The following GPR141 variants were observed in gnomAD, a reference collection of about 807,000 sequenced individuals.
The protein encoded by GPR141 is G protein-coupled receptor 141.
A neutral mutation model predicts 6.8 loss-of-function variants in GPR141; 6 were observed. The ratio of observed to expected loss-of-function variants is 0.88; its 90% CI spans 0.48 to 1.74. The LOEUF (loss-of-function observed/expected upper bound fraction) is 1.74, where lower values mean the gene tolerates loss of function less well. Ranked by LOEUF, GPR141 falls within the 40% of genes most tolerant of loss-of-function variation. The pLI is 0.01. For synonymous variants in GPR141, 140 were observed against 142.3 expected, an observed-to-expected ratio of 0.98 and a Z score of 0.11; for missense variants, 372 against 372.9, an observed-to-expected ratio of 1.00 and a Z score of 0.02.
intron 2 of GPR141, among the ~76,000 whole-genome samples, chr7:37,697,271 G>A (rs1037439371): frequency 5.3e-5 from 8 of 152,070 alleles, no homozygotes; most frequent in Non-Finnish European, 8.8e-5. Context: ...AGGCCAATTC[G>A]GAGACATTTG....
intron 2 of GPR141, among the ~76,000 whole-genome samples, chr7:37,695,344 T>G (rs530605396): frequency 6.6e-6 from 1 of 152,256 alleles, no homozygotes; most frequent in East Asian, 1.9e-4. Flanking sequence ...TGCAGGCCAC[T>G]GGGGGTGGGA....
At chr7:37,706,287 A>C (rs1810519179) in intron 2 of GPR141, among the ~76,000 whole-genome samples, 1 of 152,212 alleles carries the variant, frequency 6.6e-6, no homozygotes, top group South Asian at 2.1e-4. Flanking sequence ...CTGTCAATAG[A>C]TTGAGAAATA....
intron 2 of GPR141, among the ~76,000 whole-genome samples, chr7:37,730,925 C>T (rs1217184017): frequency 6.6e-6 from 1 of 152,166 alleles, no homozygotes; most frequent in African/African-American, 2.4e-5. Flanking sequence ...TGTGAAAAGG[C>T]TCGAAATTTC....
intron 2 of GPR141, among the ~76,000 whole-genome samples, chr7:37,718,701 AAAC>A (rs1811168863): frequency 6.6e-6 from 1 of 152,214 alleles, no homozygotes; most frequent in Admixed American, 6.5e-5. Flanking sequence ...TTGGCAAAGG[AAAC>A]AACATTTGCC....
intron 2 of GPR141, among the ~76,000 whole-genome samples, chr7:37,738,228 G>A (rs1812341123): frequency 6.6e-6 from 1 of 152,188 alleles, no homozygotes; most frequent in Admixed American, 6.5e-5. Context: ...AGGATGTAGT[G>A]TAGTCCTGAA....
chr7:37,716,922 C>A (rs1562779600), intron 2 of GPR141, among the ~76,000 whole-genome samples: 1 of 152,202 alleles, frequency 6.6e-6, no homozygotes, highest in Non-Finnish European at 1.5e-5. Context: ...TTTTCCTTTA[C>A]AGATTGGAGA....
At chr7:37,722,190 C>T (rs1386821211) in intron 2 of GPR141, among the ~76,000 whole-genome samples, 1 of 152,072 alleles carries the variant, frequency 6.6e-6, no homozygotes, top group Non-Finnish European at 1.5e-5. Flanking sequence ...AAGTGATTGT[C>T]CTAGAGTTAT....
intron 2 of GPR141, chr7:37,709,874 T>A (rs1054185365): frequency 2.6e-5 from 4 of 152,224 alleles, no homozygotes; most frequent in African/African-American, 9.6e-5. Flanking sequence ...GACTAAAGGA[T>A]GTCTGTTGTT....
chr7:37,685,209 T>C (rs894886363), intron 1 of GPR141: 3 of 152,208 alleles, frequency 2.0e-5, no homozygotes, highest in Admixed American at 6.5e-5. Flanking sequence ...AAAATGGAAG[T>C]TGTAGACTGG....
At chr7:37,724,540 T>C (rs1404984402) in intron 2 of GPR141, among the ~76,000 whole-genome samples, 1 of 152,154 alleles carries the variant, frequency 6.6e-6, no homozygotes, top group African/African-American at 2.4e-5. Context: ...TTGGTTTTGG[T>C]TTTTTAGCTA....
intron 2 of GPR141, among the ~76,000 whole-genome samples, chr7:37,722,923 TTTCCTTCC>T (rs796368390): frequency 0.12 from 13,034 of 112,174 alleles, 865 homozygotes; most frequent in Middle Eastern, 0.2. Flanking sequence ...TTCTTTTTCC[TTTCCTTCC>T]TTCCTTCCTT....
In GPR141 at chr7:37,740,522, G is replaced by A; in HGVS notation, c.129G>A (p.Val43=). 1 of 1,614,040 alleles carries A rather than the reference G, an allele frequency of 6.2e-7. No individual in the cohort carries two copies. Among genetic ancestry groups the A allele is most frequent in the Non-Finnish European group, 8.5e-7 (1 of 1,179,972 alleles). ...VGVISILFLL[V]KMNTRSVTTM... ...TCATTTCCATTCTTTTCCTCCTGGTGAAAATGAACACCCGGTCAGTGACCA... is the reference window on the plus strand; with the variant it reads ...TCATTTCCATTCTTTTCCTCCTGGTAAAAATGAACACCCGGTCAGTGACCA... The change falls in exon 3 of 3, where the codon GTG becomes GTA. Residue 43 remains valine (V), a synonymous_variant. Coordinates refer to ENST00000334425, the MANE Select transcript of GPR141 (RefSeq NM_001381946.1).
rs1409984261 is a variant in GPR141, at chr7:37,741,036, T to C, written c.643T>C (p.Leu215=). The change falls in exon 3 of 3, where the codon TTA becomes CTA. Residue 215 remains leucine (L), a synonymous_variant. Transcript: ENST00000334425. ...GATGGTGCAGAAGCTACGCCACTCT[T>C]TACTATCCCACCAGGAGTTCTGGGC... is the stretch of plus-strand genomic sequence containing the variant. The part of the protein sequence containing the change: ...MLMVQKLRHS[L]LSHQEFWAQL... 1.2e-6 allele frequency: 2 copies of C among 1,614,150 alleles called. No homozygotes were observed. Among genetic ancestry groups the C allele is most frequent in the Admixed American group, 3.3e-5 (2 of 60,010 alleles).
intron 2 of GPR141, among the ~76,000 whole-genome samples, chr7:37,700,964 C>G (rs867366289): frequency 2.0e-5 from 3 of 152,294 alleles, no homozygotes; most frequent in African/African-American, 7.2e-5. Context: ...GTCTGATTAA[C>G]CTGAGCGTGG....
At chr7:37,684,730 G>A (rs1809422738) in intron 1 of GPR141, among the ~76,000 whole-genome samples, 1 of 152,002 alleles carries the variant, frequency 6.6e-6, no homozygotes, top group Non-Finnish European at 1.5e-5. Flanking sequence ...TTAATTCTCT[G>A]GACTTCAGCG....
chr7:37,742,576 CTG>C lies in GPR141; in HGVS notation c.*1269_*1270del, dbSNP rs1470791648. Among the ~76,000 whole-genome samples the C allele has an allele frequency of 6.6e-6, 1 of 152,002 alleles. No individual in the cohort carries two copies. The highest frequency in any genetic ancestry group is 6.6e-5 in the Admixed American group (1 of 15,246). On this transcript the variant is annotated 3_prime_UTR_variant, in exon 3 of 3. Coordinates refer to ENST00000334425, the MANE Select transcript of GPR141 (RefSeq NM_001381946.1). Reference sequence around the variant, plus strand: ...TTATATATTTTTAAATAAATGAAAACTGTGTTTTTAAAAGAGGACTTTTGAGA... The same window carrying C: ...TTATATATTTTTAAATAAATGAAAACTGTTTTTAAAAGAGGACTTTTGAGA...
At chr7:37,728,215 G>A (rs891829289) in intron 2 of GPR141, among the ~76,000 whole-genome samples, 2 of 152,042 alleles carry the variant, frequency 1.3e-5, no homozygotes, top group African/African-American at 2.4e-5. Context: ...CATTTTTCAC[G>A]TACCCATAGG....
chr7:37,729,407 G>A (rs1245510786), intron 2 of GPR141, among the ~76,000 whole-genome samples: 1 of 152,180 alleles, frequency 6.6e-6, no homozygotes, highest in Non-Finnish European at 1.5e-5. Context: ...CTGGGATCCT[G>A]ATGTCAGTTG....
intron 2 of GPR141, among the ~76,000 whole-genome samples, chr7:37,730,744 A>G (rs1811890981): frequency 6.6e-6 from 1 of 152,248 alleles, no homozygotes. Context: ...TCTCTCAGAC[A>G]TTCTCTTGGC....
Sources: allele counts gnomAD v4.1 joint callset (sites outside exome capture counted in the v4.1 genomes callset), GRCh38; gene constraint gnomAD v4.1.1; transcripts MANE v1.5; gene names NCBI Gene and HGNC (gene_info 2026-07-23, HGNC 2026-07-21).